Variants in ADGRB3 observed in about 807,000 individuals in gnomAD.
ADGRB3 encodes brain-specific angiogenesis inhibitor 3.
ADGRB3 carries 37 observed loss-of-function variants against 193.4 expected under a neutral mutation model. The ratio of observed to expected loss-of-function variants is 0.19; its 90% CI spans 0.15 to 0.25. The LOEUF (loss-of-function observed/expected upper bound fraction) is 0.25, where lower values mean the gene tolerates loss of function less well. Among genes scored for constraint, ADGRB3 ranks in the 10% least tolerant of loss-of-function variants. The pLI is 1.00. For synonymous variants in ADGRB3, 690 were observed against 644.2 expected (o/e 1.07, Z -1.08); for missense variants, 1,637 against 1,852.9 (o/e 0.88, Z 2.14).
At chr6:69,349,554 A>T (rs1242933625) in intron 26 of ADGRB3, among the ~76,000 whole-genome samples, 1 of 152,172 alleles carries the variant, frequency 6.6e-6, no homozygotes, top group African/African-American at 2.4e-5. Context: ...TGTCATATCA[A>T]CTATCATAAT....
At chr6:68,699,728 G>A (rs761266243) in intron 3 of ADGRB3, among the ~76,000 whole-genome samples, 10 of 151,618 alleles carry the variant, frequency 6.6e-5, no homozygotes, top group Admixed American at 1.3e-4. Flanking sequence ...CATCACCACC[G>A]AGAGCAGTTC....
chr6:68,858,626 A>G (rs1000377989), intron 3 of ADGRB3, among the ~76,000 whole-genome samples: 1 of 151,286 alleles, frequency 6.6e-6, no homozygotes, highest in South Asian at 2.1e-4. Context: ...GCATAAATAC[A>G]ATTTTACAGT....
At chr6:68,805,276 T>C (rs1233446800) in intron 3 of ADGRB3, among the ~76,000 whole-genome samples, 2 of 152,160 alleles carry the variant, frequency 1.3e-5, no homozygotes, top group African/African-American at 4.8e-5. Flanking sequence ...AAACCACAGT[T>C]CTGAAAATAA....
In ADGRB3 at chr6:69,361,427, A is replaced by G. The variant is rs777179845; in HGVS notation, c.4154A>G (p.Lys1385Arg). The change falls in exon 29 of 32, where the codon AAG becomes AGG. Residue 1385 changes from lysine to arginine, a missense_variant. Lys to Arg is a conservative substitution (Grantham distance 26). This residue lies in a region of ADGRB3 where 368 missense variants were observed against 367.4 expected (regional missense o/e 1.00). Transcript: ENST00000370598. ...CCCTTTGAACCTCGCACAGCTGTGA[A>G]GAATTTCATGGCCTCTGAGTTGGAT... ...NLPFEPRTAV[K>R]NFMASELDDN... 3 of 1,613,040 alleles carry G rather than the reference A, an allele frequency of 1.9e-6. No homozygotes were observed. Among genetic ancestry groups the G allele is most frequent in the Non-Finnish European group, 2.5e-6 (3 of 1,179,240 alleles).
chr6:68,927,206 A>T (rs1188758446), intron 3 of ADGRB3, among the ~76,000 whole-genome samples: 1 of 152,188 alleles, frequency 6.6e-6, no homozygotes, highest in Non-Finnish European at 1.5e-5. Context: ...ATTTGATTTC[A>T]TAACTTGCTT....
chr6:68,661,548 T>C lies in ADGRB3; in HGVS notation c.757+22116T>C, dbSNP rs1265525608. On this transcript the variant is annotated intron_variant, in intron 3 of 31. Coordinates refer to ENST00000370598, the MANE Select transcript of ADGRB3 (RefSeq NM_001704.3). Reference sequence around the variant, plus strand: ...ATATATATGTGTATACATATATATATATATATATATATATATATATATAGT... The same window carrying C: ...ATATATATGTGTATACATATATATACATATATATATATATATATATATAGT... Among the ~76,000 whole-genome samples the C allele has an allele frequency of 7.5e-5, 2 of 26,768 alleles. 1 individual carries two copies. The highest frequency in any genetic ancestry group is 3.4e-4 in the African/African-American group (2 of 5,832). The allele number at this position is 26,768 out of a possible 152,430, so 17.6% of individuals were successfully genotyped here.
At chr6:69,371,357 TA>T (rs902354775) in intron 29 of ADGRB3, among the ~76,000 whole-genome samples, 1 of 152,100 alleles carries the variant, frequency 6.6e-6, no homozygotes, top group African/African-American at 2.4e-5. Context: ...GTTCAAGAGT[TA>T]AAATGCAGAC....
chr6:68,772,882 CAAAAAAAAA>C (rs763967322), intron 3 of ADGRB3, among the ~76,000 whole-genome samples: 543 of 23,918 alleles, frequency 0.023, 18 homozygotes, highest in African/African-American at 0.089. Flanking sequence ...AACAAACAAA[CAAAAAAAAA>C]AAAATATATA....
chr6:69,169,340 A>G (rs1031160647), intron 17 of ADGRB3, among the ~76,000 whole-genome samples: 4 of 152,000 alleles, frequency 2.6e-5, no homozygotes, highest in Admixed American at 6.6e-5. Context: ...ATAACTTCGT[A>G]TTAGAGTTTA....
intron 3 of ADGRB3, among the ~76,000 whole-genome samples, chr6:68,849,918 C>A (rs897709708): frequency 7.9e-5 from 12 of 151,850 alleles, no homozygotes; most frequent in Admixed American, 2.0e-4. Context: ...ATATAAAAAT[C>A]TTTTACAATA....
At chr6:68,754,233 C>T (rs1055663474) in intron 3 of ADGRB3, among the ~76,000 whole-genome samples, 1 of 152,186 alleles carries the variant, frequency 6.6e-6, no homozygotes, top group Non-Finnish European at 1.5e-5. Context: ...TGTTATTCCC[C>T]TGTTAGATTA....
chr6:68,910,545 C>T (rs1177164576), intron 3 of ADGRB3, among the ~76,000 whole-genome samples: 3 of 151,946 alleles, frequency 2.0e-5, no homozygotes, highest in African/African-American at 7.3e-5. Context: ...TTAGGTCTAA[C>T]ATTTAAGTCT....
chr6:68,764,645 A>C (rs1477797311), intron 3 of ADGRB3, among the ~76,000 whole-genome samples: 1 of 152,242 alleles, frequency 6.6e-6, no homozygotes, highest in Non-Finnish European at 1.5e-5. Flanking sequence ...GGAAGTGTGA[A>C]GATAGAGATG....
At chr6:69,233,126 G>C in intron 17 of ADGRB3, 164 bp from the exon 18 acceptor site, 2 of 977,014 alleles carry the variant, frequency 2.0e-6, no homozygotes, top group Non-Finnish European at 3.0e-6. Flanking sequence ...TGCATTACTG[G>C]AGATGCATCT....
chr6:68,914,223 C>G (rs1480441486), intron 3 of ADGRB3, among the ~76,000 whole-genome samples: 1 of 150,184 alleles, frequency 6.7e-6, no homozygotes, highest in African/African-American at 2.4e-5. Context: ...AGAAGAGCAA[C>G]TCCAAGACAC....
At chr6:69,055,282 A>G (rs1259180106) in intron 15 of ADGRB3, among the ~76,000 whole-genome samples, 1 of 151,922 alleles carries the variant, frequency 6.6e-6, no homozygotes, top group Non-Finnish European at 1.5e-5. Context: ...TTAAAGCACA[A>G]CTCCCCTTTT....
intron 20 of ADGRB3, among the ~76,000 whole-genome samples, chr6:69,239,498 AG>A (rs1766341272): frequency 6.6e-6 from 1 of 152,024 alleles, no homozygotes; most frequent in Non-Finnish European, 1.5e-5. Flanking sequence ...ATGAGTTCAA[AG>A]CTTTGGGACA....
chr6:68,873,090 T>C (rs187825937), intron 3 of ADGRB3, among the ~76,000 whole-genome samples: 326 of 152,212 alleles, frequency 2.1e-3, no homozygotes, highest in Non-Finnish European at 3.2e-3. Flanking sequence ...AACTTAGCAA[T>C]TGGAACATGT....
At chr6:68,665,187 C>T (rs968922991) in intron 3 of ADGRB3, among the ~76,000 whole-genome samples, 26 of 151,250 alleles carry the variant, frequency 1.7e-4, no homozygotes, top group African/African-American at 5.8e-4. Flanking sequence ...GTGCTCTACA[C>T]GTTCAGAGAA....
Sources: allele counts gnomAD v4.1 joint callset (sites outside exome capture counted in the v4.1 genomes callset), GRCh38; gene constraint gnomAD v4.1.1; regional missense constraint gnomAD v4.1.1; transcripts MANE v1.5; gene names NCBI Gene and HGNC (gene_info 2026-07-23, HGNC 2026-07-21).